The following LRRC55 variants were observed in gnomAD, a reference collection of about 807,000 sequenced individuals.
LRRC55 encodes the protein leucine rich repeat containing 55.
LRRC55 carries 11 observed loss-of-function variants against 20.5 expected under a neutral mutation model. That is an observed-to-expected ratio of 0.54 (90% CI 0.34 to 0.89). The LOEUF is 0.89. Among genes scored for constraint, LRRC55 ranks in the 40% least tolerant of loss-of-function variants. The pLI, the probability that LRRC55 is intolerant of heterozygous loss-of-function variation, is 0.02. For missense variants in LRRC55, 358 were observed against 390.9 expected, an observed-to-expected ratio of 0.92 and a Z score of 0.71; for synonymous variants, 188 against 166.6, an observed-to-expected ratio of 1.13 and a Z score of -0.99.
chr11:57,186,795 G>A (rs1854436755), intron 1 of LRRC55, among the ~76,000 whole-genome samples: 1 of 152,166 alleles, frequency 6.6e-6, no homozygotes, highest in South Asian at 2.1e-4. Flanking sequence ...TCAAAGACAG[G>A]AATCCAGGGA....
In LRRC55 at chr11:57,191,189, G is replaced by C. The variant is rs1467379985; in HGVS notation, c.*3709G>C. ...ATTCCCAGGGAACTTTGCAGAAATA[G>C]GTCTCCAGAGTTGCTACAGAGGTTC... On this transcript the variant is annotated 3_prime_UTR_variant, in exon 2 of 2. Coordinates refer to ENST00000497933, the MANE Select transcript of LRRC55 (RefSeq NM_001005210.4). 1 of 152,130 alleles carries C rather than the reference G, an allele frequency of 6.6e-6. No individual in the cohort carries two copies. Among genetic ancestry groups the C allele is most frequent in the African/African-American group, 2.4e-5 (1 of 41,418 alleles). 9.4% of individuals were successfully genotyped at this position (152,130 alleles called of 1,614,324 possible).
intron 1 of LRRC55, among the ~76,000 whole-genome samples, chr11:57,183,263 G>T (rs537996023): frequency 3.5e-4 from 53 of 152,270 alleles, no homozygotes; most frequent in African/African-American, 1.2e-3. Context: ...GGAAACTCTC[G>T]TATAAATAGT....
Position 57,190,077 on chromosome 11 carries a change from A to G in LRRC55, c.*2597A>G, listed in dbSNP as rs1854488279. The G allele has an allele frequency of 6.6e-6, 1 of 152,248 alleles. No individual in the cohort carries two copies. The highest frequency in any genetic ancestry group is 1.5e-5 in the Non-Finnish European group (1 of 68,054). The allele number at this position is 152,248 out of a possible 1,614,324, so 9.4% of individuals were successfully genotyped here. A position where few individuals can be genotyped will look rare whatever the true frequency, so the allele number is the denominator to read the frequency against. ...AGGCCAGCAACCTAAATACTTGGAG[A>G]GGAACTTTTAGAAACTATAATCCTG... On this transcript the variant is annotated 3_prime_UTR_variant, in exon 2 of 2. Coordinates refer to ENST00000497933, the MANE Select transcript of LRRC55 (RefSeq NM_001005210.4).
intron 1 of LRRC55, among the ~76,000 whole-genome samples, chr11:57,183,540 C>T (rs1222715519): frequency 6.6e-6 from 1 of 152,146 alleles, no homozygotes; most frequent in African/African-American, 2.4e-5. Context: ...TGGCAATCTC[C>T]CTGACTATAT....
At position 57,191,380 on chromosome 11, in the gene LRRC55, C is replaced by G. The variant is rs1224262821; in HGVS notation, c.*3900C>G. On this transcript the variant is annotated 3_prime_UTR_variant, in exon 2 of 2. Coordinates refer to ENST00000497933, the MANE Select transcript of LRRC55 (RefSeq NM_001005210.4). Reference sequence around the variant, plus strand: ...TAAAAAGATATATCTTAACCCATTCCTCAAAAGGACATCTTCCTAAAGCCA... The same window carrying G: ...TAAAAAGATATATCTTAACCCATTCGTCAAAAGGACATCTTCCTAAAGCCA... 1 of 152,152 alleles carries G rather than the reference C, an allele frequency of 6.6e-6. No individual in the cohort carries two copies. Among genetic ancestry groups the G allele is most frequent in the South Asian group, 2.1e-4 (1 of 4,832 alleles). 9.4% of individuals were successfully genotyped at this position (152,152 alleles called of 1,614,324 possible).
chr11:57,186,379 T>C (rs2860311), intron 1 of LRRC55, among the ~76,000 whole-genome samples: 2,155 of 152,304 alleles, frequency 0.014, 57 homozygotes, highest in African/African-American at 0.049. Flanking sequence ...GAGGGGCTTA[T>C]ATTGAAAGGG....
chr11:57,183,277 G>A (rs1286438963), intron 1 of LRRC55, among the ~76,000 whole-genome samples: 1 of 152,186 alleles, frequency 6.6e-6, no homozygotes, highest in East Asian at 1.9e-4. Flanking sequence ...AAATAGTAAT[G>A]ACTAACACAA....
rs1210076041 is a variant in LRRC55 at position 57,188,133 on chromosome 11, C to A, written c.*653C>A. On this transcript the variant is annotated 3_prime_UTR_variant, in exon 2 of 2. Transcript: ENST00000497933. The stretch of plus-strand genomic sequence containing the variant: ...TTCCACCAGCAGCTACCAGGTGAGA[C>A]CACCTCCCAGTGACTGCCCCCATAT... 6.5e-6 allele frequency: 1 copy of A among 153,208 alleles called. No individual in the cohort carries two copies. Among genetic ancestry groups the A allele is most frequent in the Non-Finnish European group, 1.5e-5 (1 of 68,534 alleles). 9.5% of individuals were successfully genotyped at this position (153,208 alleles called of 1,614,324 possible). A position where few individuals can be genotyped will look rare whatever the true frequency, so the allele number is the denominator to read the frequency against.
At position 57,187,373 on chromosome 11, in the gene LRRC55, G is replaced by A. The variant is rs758309620; in HGVS notation, c.790G>A (p.Val264Met). The part of the protein sequence containing the change: ...TLDDYLFIAF[V>M]GFVVSIASVA... The stretch of plus-strand genomic sequence containing the variant: ...GGATGATTACCTATTCATTGCGTTC[G>A]TGGGCTTCGTGGTCTCCATTGCTTC... The change falls in exon 2 of 2, where the codon GTG becomes ATG. Residue 264 changes from valine (V) to methionine (M), a missense_variant. Around this residue, in one of 3 missense-constraint regions of LRRC55, gnomAD observed 178 missense variants for 207.9 expected, o/e 0.86. Transcript: ENST00000497933. The A allele has an allele frequency of 1.7e-5, 28 of 1,614,186 alleles. No homozygotes were observed. The highest frequency in any genetic ancestry group is 3.3e-5 in the Admixed American group (2 of 60,028).
In LRRC55 at chr11:57,187,313, G is replaced by T; in HGVS notation, c.730G>T (p.Glu244Ter). The T allele has an allele frequency of 6.2e-7, 1 of 1,614,124 alleles. No homozygotes were observed. The highest frequency in any genetic ancestry group is 8.5e-7 in the Non-Finnish European group (1 of 1,180,012). The stretch of plus-strand genomic sequence containing the variant: ...CGCCCCGCTCTTCTCACTCACTGAG[G>T]AGAGCTTCAAGGCCTGCCACCTGAC... ...EGAPLFSLTEESFKACHLTLT... is the reference protein window; with the variant it reads ...EGAPLFSLTE Residue 244 changes from glutamate to a stop codon, truncating the protein, a stop_gained, in exon 2 of 2, where the codon GAG becomes TAG. Coordinates refer to ENST00000497933, the MANE Select transcript of LRRC55 (RefSeq NM_001005210.4). LOFTEE classifies it high-confidence loss of function.
In LRRC55 at chr11:57,188,654, T is replaced by A. The variant is rs995940328; in HGVS notation, c.*1174T>A. The A allele has an allele frequency of 1.6e-4, 25 of 152,042 alleles. No homozygotes were observed. The highest frequency in any genetic ancestry group is 5.8e-4 in the African/African-American group (24 of 41,390). The allele number at this position is 152,042 out of a possible 1,614,324, so 9.4% of individuals were successfully genotyped here. On this transcript the variant is annotated 3_prime_UTR_variant, in exon 2 of 2. Transcript: ENST00000497933. ...ATGAGGCAACTAAGGCTCAGAGAGG[T>A]TAAAGTCACATGCCACTATGAGCAA...
chr11:57,187,681 C>G lies in LRRC55; in HGVS notation c.*201C>G. 1.6e-6 allele frequency: 1 copy of G among 632,394 alleles called. No homozygotes were observed. 39.2% of individuals were successfully genotyped at this position (632,394 alleles called of 1,614,324 possible). A position where few individuals can be genotyped will look rare whatever the true frequency, so the allele number is the denominator to read the frequency against. ...GAATTGGGAACATCAGATGAACTGA[C>G]TCAGTCCCTGCCCTCAAGGCACTTC... On this transcript the variant is annotated 3_prime_UTR_variant, in exon 2 of 2. Coordinates refer to ENST00000497933, the MANE Select transcript of LRRC55 (RefSeq NM_001005210.4).
intron 1 of LRRC55, among the ~76,000 whole-genome samples, chr11:57,186,705 C>A (rs1854435697): frequency 2.6e-5 from 4 of 152,122 alleles, no homozygotes; most frequent in Admixed American, 1.3e-4. Context: ...GTGGCTAGAG[C>A]AGGGTAAGTA....
Position 57,191,529 on chromosome 11 carries a change from G to C in LRRC55, c.*4049G>C, listed in dbSNP as rs965299257. 2.4e-5 allele frequency: 3 copies of C among 127,346 alleles called. No homozygotes were observed. Among genetic ancestry groups the C allele is most frequent in the African/African-American group, 8.9e-5 (3 of 33,806 alleles). 7.9% of individuals were successfully genotyped at this position (127,346 alleles called of 1,614,324 possible). On this transcript the variant is annotated 3_prime_UTR_variant, in exon 2 of 2. Transcript: ENST00000497933. Reference sequence around the variant, plus strand: ...CTGGGCGGAGAGCTGGATCCACAGAGCTCTCAGTTTTTCTAAGCACTGTCC... The same window carrying C: ...CTGGGCGGAGAGCTGGATCCACAGACCTCTCAGTTTTTCTAAGCACTGTCC...
chr11:57,185,270 C>CTTCTTTTTTTT lies in LRRC55; in HGVS notation c.662-1973_662-1972insCTTTTTTTTTT, dbSNP rs1854416014. Among the ~76,000 whole-genome samples the CTTCTTTTTTTT allele has an allele frequency of 4.5e-5, 4 of 89,412 alleles. 1 individual carries two copies. Among genetic ancestry groups the CTTCTTTTTTTT allele is most frequent in the Admixed American group, 1.3e-4 (1 of 7,556 alleles). 58.7% of individuals were successfully genotyped at this position (89,412 alleles called of 152,430 possible). On this transcript the variant is annotated intron_variant, in intron 1 of 1. Transcript: ENST00000497933. ...TTATCCCCTTCTTTTCTTTTCTTTT[C>CTTCTTTTTTTT]TTTTTTTTTTTTTTTTTTTTTTTTT...
chr11:57,182,108 T>C lies in LRRC55; in HGVS notation c.86T>C (p.Leu29Ser). The C allele has an allele frequency of 6.2e-7, 1 of 1,614,148 alleles. No homozygotes were observed. The highest frequency in any genetic ancestry group is 8.5e-7 in the Non-Finnish European group (1 of 1,180,020). ...LLISLLLAAG[L>S]MHSDAGTSCP... ...ATCTCCCTCCTCTTGGCAGCCGGGT[T>C]GATGCACTCGGATGCCGGCACCAGC... Residue 29 changes from leucine to serine, a missense_variant, in exon 1 of 2, where the codon TTG (leucine) becomes TCG (serine). Leu to Ser is a moderately radical substitution (Grantham distance 145, BLOSUM62 -2). Coordinates refer to ENST00000497933, the MANE Select transcript of LRRC55 (RefSeq NM_001005210.4).
Position 57,187,490 on chromosome 11 carries a change from C to T in LRRC55, c.*10C>T. 4.3e-6 allele frequency: 7 copies of T among 1,610,042 alleles called. No individual in the cohort carries two copies. Among genetic ancestry groups the T allele is most frequent in the Non-Finnish European group, 5.9e-6 (7 of 1,177,942 alleles). On this transcript the variant is annotated 3_prime_UTR_variant, in exon 2 of 2. Coordinates refer to ENST00000497933, the MANE Select transcript of LRRC55 (RefSeq NM_001005210.4). ...AGAGGAAGAGATCTGACATGCCTGC[C>T]TCTCATCCCTCCATGCTGCTGACCG...
Position 57,191,426 on chromosome 11 carries a change from C to T in LRRC55, c.*3946C>T, listed in dbSNP as rs1403726788. ...AGCCAGAGAAAATTGTCTGCGCTTC[C>T]CCACCCCAGGAAGAGGCAAAAGGGA... On this transcript the variant is annotated 3_prime_UTR_variant, in exon 2 of 2. Coordinates refer to ENST00000497933, the MANE Select transcript of LRRC55 (RefSeq NM_001005210.4). 2.0e-5 allele frequency: 3 copies of T among 152,142 alleles called. No individual in the cohort carries two copies. The East Asian group carries it at 5.8e-4, about 29-fold the overall frequency. 9.4% of individuals were successfully genotyped at this position (152,142 alleles called of 1,614,324 possible). A position where few individuals can be genotyped will look rare whatever the true frequency, so the allele number is the denominator to read the frequency against.
intron 1 of LRRC55, among the ~76,000 whole-genome samples, chr11:57,183,524 G>A (rs1005172432): frequency 2.6e-5 from 4 of 152,198 alleles, no homozygotes; most frequent in Non-Finnish European, 5.9e-5. Flanking sequence ...GCCAGGATTT[G>A]AGTCCTGGCA....
Sources: gnomAD v4.1 joint callset for allele counts (sites outside exome capture counted in the v4.1 genomes callset) on GRCh38, gnomAD v4.1.1 for gene constraint, gnomAD v4.1.1 regional missense constraint, MANE v1.5 for transcripts, NCBI Gene and HGNC (gene_info 2026-07-23, HGNC 2026-07-21) for gene names.